The following RASSF5 variants were observed in gnomAD, a reference collection of about 807,000 sequenced individuals.
RASSF5 encodes the protein Ras association domain family member 5.
RASSF5 carries 25 observed loss-of-function variants against 40.5 expected under a neutral mutation model. The ratio of observed to expected loss-of-function variants is 0.62; its 90% CI spans 0.45 to 0.86. The LOEUF is 0.86. RASSF5 is among the 40% of genes least tolerant of loss of function. RASSF5 has a pLI of 0.00. For missense variants in RASSF5, 521 were observed against 572.8 expected (o/e 0.91, Z 0.92); for synonymous variants, 246 against 252.4 (o/e 0.97, Z 0.24).
chr1:206,525,683 C>A (rs1420651256), intron 1 of RASSF5, among the ~76,000 whole-genome samples: 1 of 152,172 alleles, frequency 6.6e-6, no homozygotes, highest in Non-Finnish European at 1.5e-5. Flanking sequence ...AATTTCTGGC[C>A]TCAAGCAATC....
chr1:206,536,664 T>G (rs1287091591), intron 1 of RASSF5, among the ~76,000 whole-genome samples: 1 of 152,098 alleles, frequency 6.6e-6, no homozygotes, highest in Admixed American at 6.5e-5. Context: ...TGTACTGAAT[T>G]TTTGGAGCTT....
intron 2 of RASSF5, among the ~76,000 whole-genome samples, chr1:206,564,369 C>A (rs970065496): frequency 6.6e-6 from 1 of 152,314 alleles, no homozygotes; most frequent in East Asian, 1.9e-4. Context: ...CCCCTCCTGC[C>A]CTCCTTCTGT....
chr1:206,575,034 GT>G (rs376096611), intron 2 of RASSF5, among the ~76,000 whole-genome samples: 4 of 107,716 alleles, frequency 3.7e-5, no homozygotes, highest in Admixed American at 9.5e-5. Context: ...TTTTGTTTTT[GT>G]TTTTTTTTTT....
At chr1:206,555,804 A>AT (rs1553401690) in intron 2 of RASSF5, among the ~76,000 whole-genome samples, 2 of 152,148 alleles carry the variant, frequency 1.3e-5, no homozygotes, top group African/African-American at 4.8e-5. Flanking sequence ...GTGTGGGAGG[A>AT]TGAAGCCAAA....
Position 206,584,844 on chromosome 1 carries a change from G to A in RASSF5, c.988+160G>A. 1.3e-6 allele frequency: 1 copy of A among 755,442 alleles called. No homozygotes were observed. Among genetic ancestry groups the A allele is most frequent in the Non-Finnish European group, 2.1e-6 (1 of 471,394 alleles). 46.8% of individuals were successfully genotyped at this position (755,442 alleles called of 1,614,324 possible). A position where few individuals can be genotyped will look rare whatever the true frequency, so the allele number is the denominator to read the frequency against. On this transcript the variant is annotated intron_variant, in intron 4 of 5. Coordinates refer to ENST00000579436, the MANE Select transcript of RASSF5 (RefSeq NM_182663.4). This position sits in a 1 kb window ranked among gnomAD's most constrained non-coding sequence, Gnocchi z 4.9. ...TGTTCAGATCTGTGGAATCCGGGCA[G>A]GGAGGCAAGAGCAGAGTCCCTGACT...
At chr1:206,538,666 T>C (rs1667475678) in intron 2 of RASSF5, among the ~76,000 whole-genome samples, 1 of 152,170 alleles carries the variant, frequency 6.6e-6, no homozygotes, top group Non-Finnish European at 1.5e-5. Flanking sequence ...AAGCACATTG[T>C]CCAGCCAGGC....
intron 2 of RASSF5, among the ~76,000 whole-genome samples, chr1:206,539,717 GGGAAA>G (rs1553399133): frequency 6.6e-6 from 1 of 152,210 alleles, no homozygotes; most frequent in Non-Finnish European, 1.5e-5. Flanking sequence ...ATGGGACACA[GGGAAA>G]GGAGAGGAGG....
chr1:206,507,821 G>A lies in RASSF5; in HGVS notation c.219G>A (p.Pro73=). The A allele has an allele frequency of 7.1e-7, 1 of 1,410,910 alleles. No individual in the cohort carries two copies. Among genetic ancestry groups the A allele is most frequent in the Admixed American group, 3.2e-5 (1 of 30,950 alleles). 87.4% of individuals were successfully genotyped at this position (1,410,910 alleles called of 1,614,324 possible). A position where few individuals can be genotyped will look rare whatever the true frequency, so the allele number is the denominator to read the frequency against. The change falls in exon 1 of 6, where the codon CCG becomes CCA. Residue 73 remains proline, a synonymous_variant. Coordinates refer to ENST00000579436, the MANE Select transcript of RASSF5 (RefSeq NM_182663.4). ...CTGCCCGGGGGAACCTGGAGCCCCC[G>A]CCCCGGGCCTCCCGACCCGCTCGCC... is the stretch of plus-strand genomic sequence containing the variant. ...RRAARGNLEP[P]PRASRPARPL...
intron 2 of RASSF5, among the ~76,000 whole-genome samples, chr1:206,565,257 C>T (rs80135932): frequency 0.018 from 2,772 of 152,250 alleles, 68 homozygotes; most frequent in South Asian, 0.05. Context: ...GTTGGCTGCT[C>T]ATAGCCTCTC....
At chr1:206,514,332 G>A (rs1200794142) in intron 1 of RASSF5, among the ~76,000 whole-genome samples, 5 of 152,196 alleles carry the variant, frequency 3.3e-5, no homozygotes, top group Admixed American at 6.5e-5. Flanking sequence ...TATAACTACT[G>A]CCCTGGCCCC....
chr1:206,584,695 G>C lies in RASSF5; in HGVS notation c.988+11G>C, dbSNP rs370898662. On this transcript the variant is annotated intron_variant, in intron 4 of 5. Coordinates refer to ENST00000579436, the MANE Select transcript of RASSF5 (RefSeq NM_182663.4). The surrounding 1 kb of genome is among the most constrained non-coding windows in gnomAD (Gnocchi z 4.9). ...ACAAGGACGGACAAGGTAGGAGAAA[G>C]AGTGAACCCAACCAGACCGTTCCCT... is the stretch of plus-strand genomic sequence containing the variant. 2 of 1,614,022 alleles carry C rather than the reference G, an allele frequency of 1.2e-6. No individual in the cohort carries two copies. The highest frequency in any genetic ancestry group is 1.7e-5 in the Admixed American group (1 of 60,008).
chr1:206,578,032 G>C (rs1668719157), intron 2 of RASSF5, among the ~76,000 whole-genome samples: 1 of 151,868 alleles, frequency 6.6e-6, no homozygotes, highest in South Asian at 2.1e-4. Flanking sequence ...AGACCAGCCT[G>C]GGCAACATAG....
At chr1:206,526,100 A>G (rs562526246) in intron 1 of RASSF5, among the ~76,000 whole-genome samples, 1 of 152,300 alleles carries the variant, frequency 6.6e-6, no homozygotes, top group Non-Finnish European at 1.5e-5. Context: ...GAGCTTGCTC[A>G]GGTGCATCCC....
intron 1 of RASSF5, among the ~76,000 whole-genome samples, chr1:206,508,785 C>A (rs1018763107): frequency 2.0e-5 from 3 of 152,096 alleles, no homozygotes; most frequent in Admixed American, 2.0e-4. Flanking sequence ...TTACTCAGCT[C>A]CTGACAGGGT....
intron 1 of RASSF5, among the ~76,000 whole-genome samples, chr1:206,514,319 A>G (rs1419736022): frequency 1.3e-5 from 2 of 152,152 alleles, no homozygotes; most frequent in Non-Finnish European, 2.9e-5. Context: ...GGATTTTCCT[A>G]CCTATAACTA....
intron 1 of RASSF5, among the ~76,000 whole-genome samples, chr1:206,517,228 C>G (rs1245004175): frequency 6.6e-6 from 1 of 152,160 alleles, no homozygotes; most frequent in African/African-American, 2.4e-5. Flanking sequence ...AATCCCAGCA[C>G]TTTGGGAGAC....
intron 1 of RASSF5, among the ~76,000 whole-genome samples, chr1:206,511,346 A>T (rs1240502255): frequency 6.6e-6 from 1 of 152,166 alleles, no homozygotes; most frequent in African/African-American, 2.4e-5. Context: ...ATTCTCAGGG[A>T]CTTCCCCTTA....
In RASSF5 at chr1:206,539,777, C is replaced by G. The variant is rs778022357; in HGVS notation, c.579+1484C>G. On this transcript the variant is annotated intron_variant, in intron 2 of 5. Coordinates refer to ENST00000579436, the MANE Select transcript of RASSF5 (RefSeq NM_182663.4). ...TGCTGATGGGCAATGCAGATGTTTC[C>G]TGAAGGTTTTCCTCAGAAGATAGAG... Among the ~76,000 whole-genome samples the G allele has an allele frequency of 3.2e-4, 48 of 152,176 alleles. 1 individual carries two copies. The highest frequency in any genetic ancestry group is 6.0e-4 in the Non-Finnish European group (41 of 68,042).
At chr1:206,555,458 G>A (rs1667953598) in intron 2 of RASSF5, among the ~76,000 whole-genome samples, 1 of 152,136 alleles carries the variant, frequency 6.6e-6, no homozygotes, top group Non-Finnish European at 1.5e-5. Context: ...GACAAAGCAG[G>A]TGAGCTGTTA....
Sources: gnomAD v4.1 joint callset for allele counts (sites outside exome capture counted in the v4.1 genomes callset) on GRCh38, gnomAD v4.1.1 for gene constraint, Gnocchi (gnomAD v3.1) non-coding constraint, MANE v1.5 for transcripts, NCBI Gene and HGNC (gene_info 2026-07-23, HGNC 2026-07-21) for gene names.